FHAD1: variants seen among roughly 807,000 people sequenced by gnomAD.
FHAD1 encodes the protein forkhead-associated domain-containing protein 1.
FHAD1 carries 146 observed loss-of-function variants against 191.3 expected under a neutral mutation model. The ratio of observed to expected loss-of-function variants is 0.76; its 90% CI spans 0.67 to 0.88. FHAD1 has a LOEUF of 0.88. Ranked by LOEUF, FHAD1 falls within the 40% of genes least tolerant of loss-of-function variation. The pLI is 0.00. For missense variants in FHAD1, 1,635 were observed against 1,785.8 expected (o/e 0.92, Z 1.52); for synonymous variants, 616 against 672.3 (o/e 0.92, Z 1.29).
chr1:15,263,510 C>CTTTTTTTTTTTTTT (rs771788861), intron 2 of FHAD1, among the ~76,000 whole-genome samples: 2 of 75,032 alleles, frequency 2.7e-5, no homozygotes, highest in Non-Finnish European at 5.4e-5. Flanking sequence ...CAGTTTTATT[C>CTTTTTTTTTTTTTT]TTTTTTTTTT....
Position 15,313,043 on chromosome 1 carries a change from C to T in FHAD1, c.1040-14C>T, listed in dbSNP as rs577658369. 23 of 1,551,458 alleles carry T rather than the reference C, an allele frequency of 1.5e-5. No homozygotes were observed. In the East Asian group the frequency reaches 5.1e-4, roughly 35 times the overall value. On this transcript the variant is annotated splice_polypyrimidine_tract_variant and intron_variant, in intron 7 of 33. Coordinates refer to ENST00000688493, the MANE Select transcript of FHAD1 (RefSeq NM_001391957.1). ...CACTGCCTCTTTGACCTCTGCGAGT[C>T]TTCTTTTTTACAGGGATGGTGTCAT...
At chr1:15,326,960 CCTG>C (rs1678932133) in intron 11 of FHAD1, 96 bp from the exon 12 acceptor site, 1 of 697,544 alleles carries the variant, frequency 1.4e-6, no homozygotes, top group South Asian at 1.7e-5. Flanking sequence ...GCGTGCAAAC[CCTG>C]CTAAGTGGTG....
At chr1:15,286,293 A>G (rs1298173638) in intron 3 of FHAD1, among the ~76,000 whole-genome samples, 3 of 152,052 alleles carry the variant, frequency 2.0e-5, no homozygotes, top group African/African-American at 7.2e-5. Flanking sequence ...ACTTCAGCCC[A>G]GGAGTTTGTG....
At chr1:15,267,617 A>T (rs1272843934) in intron 2 of FHAD1, among the ~76,000 whole-genome samples, 1 of 151,936 alleles carries the variant, frequency 6.6e-6, no homozygotes, top group Admixed American at 6.6e-5. Context: ...TTAACTATTG[A>T]TTCAAATTCT....
At chr1:15,246,471 C>CT (rs376303768), upstream of FHAD1, among the ~76,000 whole-genome samples, 43,073 of 151,696 alleles carry the variant, frequency 0.28, 7,098 homozygotes, top group Non-Finnish European at 0.38. Flanking sequence ...GATAGGATTT[C>CT]CTGCTGGAGA....
downstream of FHAD1, among the ~76,000 whole-genome samples, chr1:15,402,553 C>A (rs1324232879): frequency 1.3e-5 from 2 of 152,150 alleles, no homozygotes; most frequent in African/African-American, 4.8e-5. Context: ...TTCTTTGTAC[C>A]TTTCATCAGT....
intron 11 of FHAD1, 148 bp downstream of exon 11, chr1:15,324,707 T>C: frequency 1.5e-5 from 10 of 647,380 alleles, no homozygotes; most frequent in Non-Finnish European, 2.5e-5. Flanking sequence ...AGAGGCTGTC[T>C]GCAGCTCCCC....
intron 1 of FHAD1, among the ~76,000 whole-genome samples, chr1:15,238,092 T>C (rs1644972830): frequency 6.6e-6 from 1 of 151,160 alleles, no homozygotes; most frequent in Non-Finnish European, 1.5e-5. Context: ...ACTAAAAATA[T>C]AAAAATTAGA....
chr1:15,388,424 T>A (rs1241673901), intron 32 of FHAD1: 1 of 1,207,232 alleles, frequency 8.3e-7, no homozygotes, highest in South Asian at 1.5e-5. Flanking sequence ...TCCATTAAGG[T>A]GAGAAGGCAG....
Position 15,316,620 on chromosome 1 carries a change from C to A in FHAD1, c.1260+153C>A, listed in dbSNP as rs1674546769. ...AGTCTCATTGCTCTTTGATCTGCTG[C>A]TTCTGCAAGAAAGAGATGGGTGAAG... On this transcript the variant is annotated intron_variant, in intron 9 of 33. Coordinates refer to ENST00000688493, the MANE Select transcript of FHAD1 (RefSeq NM_001391957.1). This position sits in a 1 kb window ranked among gnomAD's most constrained non-coding sequence, Gnocchi z 4.3. Among the ~76,000 whole-genome samples, 1 of 152,178 alleles carries A rather than the reference C, an allele frequency of 6.6e-6. No individual in the cohort carries two copies. The highest frequency in any genetic ancestry group is 1.5e-5 in the Non-Finnish European group (1 of 68,030).
chr1:15,298,756 A>C (rs1238739171), intron 5 of FHAD1, among the ~76,000 whole-genome samples: 1 of 152,184 alleles, frequency 6.6e-6, no homozygotes, highest in Non-Finnish European at 1.5e-5. Flanking sequence ...TTAATCCACC[A>C]CAGTTGTTAA....
intron 23 of FHAD1, 53 bp downstream of exon 23, chr1:15,362,779 G>C: frequency 2.1e-6 from 3 of 1,446,654 alleles, no homozygotes; most frequent in Non-Finnish European, 1.9e-6. Context: ...CACCACCTGG[G>C]TGGGGGCAAA....
Position 15,380,599 on chromosome 1 carries a change from C to G in FHAD1, c.3706-102C>G, listed in dbSNP as rs542488043. Reference sequence around the variant, plus strand: ...TCAGGACGCGGACTGAAAATCAACTCTCTTGAGTTAATCTTCGGTAATCAC... The same window carrying G: ...TCAGGACGCGGACTGAAAATCAACTGTCTTGAGTTAATCTTCGGTAATCAC... On this transcript the variant is annotated intron_variant, in intron 28 of 33. Coordinates refer to ENST00000688493, the MANE Select transcript of FHAD1 (RefSeq NM_001391957.1). 85 of 921,416 alleles carry G rather than the reference C, an allele frequency of 9.2e-5. No homozygotes were observed. The African/African-American group carries it at 1.3e-3, about 14-fold the overall frequency. 57.1% of individuals were successfully genotyped at this position (921,416 alleles called of 1,614,324 possible).
chr1:15,383,152 T>C lies in FHAD1; in HGVS notation c.4188+959T>C, dbSNP rs148402203. ...GCCTCTCTGAGCCTTGCTTTCCTCA[T>C]TAGTAGATGGGAGCTTCCAGCCCCT... On this transcript the variant is annotated intron_variant, in intron 31 of 33. Transcript: ENST00000688493. 2.8e-5 allele frequency: 13 copies of C among 471,712 alleles called. No homozygotes were observed. The East Asian group carries it at 9.0e-4, about 33-fold the overall frequency. 29.2% of individuals were successfully genotyped at this position (471,712 alleles called of 1,614,324 possible).
At chr1:15,378,452 C>T (rs577069654) in intron 28 of FHAD1, among the ~76,000 whole-genome samples, 2 of 152,314 alleles carry the variant, frequency 1.3e-5, no homozygotes, top group East Asian at 1.9e-4. Context: ...ATGGTGTGAT[C>T]GAACCTGCAG....
intron 14 of FHAD1, among the ~76,000 whole-genome samples, chr1:15,333,244 G>A (rs997660558): frequency 7.9e-5 from 12 of 152,112 alleles, no homozygotes; most frequent in South Asian, 2.1e-4. Flanking sequence ...GTAAGCTAGC[G>A]TATGCCCCAT....
At chr1:15,344,443 C>A (rs1201052834) in intron 16 of FHAD1, among the ~76,000 whole-genome samples, 1 of 152,172 alleles carries the variant, frequency 6.6e-6, no homozygotes, top group African/African-American at 2.4e-5. Context: ...AGGGATTGGC[C>A]AAATTGTCCC....
At chr1:15,280,116 G>A (rs1660054895) in intron 3 of FHAD1, among the ~76,000 whole-genome samples, 1 of 152,154 alleles carries the variant, frequency 6.6e-6, no homozygotes, top group South Asian at 2.1e-4. Context: ...CAGGGAAGGT[G>A]GCAGTTCCCA....
At chr1:15,293,579 G>A (rs927102921) in intron 4 of FHAD1, among the ~76,000 whole-genome samples, 34 of 152,252 alleles carry the variant, frequency 2.2e-4, no homozygotes, top group South Asian at 1.4e-3. Context: ...TTAGCTGGGT[G>A]TGGTGGCACG....
Sources: gnomAD v4.1 joint callset for allele counts (sites outside exome capture counted in the v4.1 genomes callset) on GRCh38, gnomAD v4.1.1 for gene constraint, Gnocchi (gnomAD v3.1) non-coding constraint, MANE v1.5 for transcripts, NCBI Gene and HGNC (gene_info 2026-07-23, HGNC 2026-07-21) for gene names.